Variants in DPY19L1 observed in about 807,000 individuals in gnomAD.
DPY19L1 encodes dpy-19 like C-mannosyltransferase 1, also known as protein C-mannosyl-transferase DPY19L1.
A neutral mutation model predicts 96.9 loss-of-function variants in DPY19L1; 35 were observed. The observed-to-expected ratio is 0.36, with a 90% CI of 0.28 to 0.48. The LOEUF (loss-of-function observed/expected upper bound fraction) is 0.48, where lower values mean the gene tolerates loss of function less well. Ranked by LOEUF, DPY19L1 falls within the 20% of genes least tolerant of loss-of-function variation. The pLI, the probability that DPY19L1 is intolerant of heterozygous loss-of-function variation, is 0.99. For synonymous variants in DPY19L1, 205 were observed against 252.6 expected, an observed-to-expected ratio of 0.81 and a Z score of 1.79; for missense variants, 521 against 777.9, an observed-to-expected ratio of 0.67 and a Z score of 3.93.
intron 1 of DPY19L1, among the ~76,000 whole-genome samples, chr7:35,023,943 C>T (rs1786060777): frequency 6.7e-6 from 1 of 148,430 alleles, no homozygotes. Flanking sequence ...TCATGCCATT[C>T]TCCTGCCTCA....
chr7:34,932,545 A>C (rs1783775830), intron 21 of DPY19L1, among the ~76,000 whole-genome samples: 1 of 152,238 alleles, frequency 6.6e-6, no homozygotes, highest in East Asian at 1.9e-4. Flanking sequence ...TAAAAAAATC[A>C]GTAGGTCAAA....
At chr7:34,935,193 G>A (rs1224764248) in intron 21 of DPY19L1, among the ~76,000 whole-genome samples, 1 of 152,192 alleles carries the variant, frequency 6.6e-6, no homozygotes, top group African/African-American at 2.4e-5. Context: ...ACAGAAAGTA[G>A]AGAACGACCC....
intron 7 of DPY19L1, among the ~76,000 whole-genome samples, chr7:34,982,904 A>C (rs914067567): frequency 4.6e-5 from 7 of 152,180 alleles, no homozygotes; most frequent in African/African-American, 1.7e-4. Context: ...GAATCTGGAG[A>C]TGGATTAAAA....
intron 9 of DPY19L1, among the ~76,000 whole-genome samples, chr7:34,967,181 T>C (rs1486438732): frequency 6.6e-6 from 1 of 152,186 alleles, no homozygotes; most frequent in Non-Finnish European, 1.5e-5. Flanking sequence ...CACAGCTTTC[T>C]CAATCATGTG....
intron 6 of DPY19L1, among the ~76,000 whole-genome samples, chr7:35,002,376 T>A (rs1370018147): frequency 6.6e-6 from 1 of 151,002 alleles, no homozygotes; most frequent in African/African-American, 2.4e-5. Context: ...TTGGAAAAAA[T>A]AAGGCTGATA....
Position 35,037,290 on chromosome 7 carries a change from G to C in DPY19L1, c.105C>G (p.Ala35=). Residue 35 remains alanine, a synonymous_variant, in exon 1 of 22, where the codon GCC becomes GCG. Coordinates refer to ENST00000638088, the MANE Select transcript of DPY19L1 (RefSeq NM_001366673.1). ...SPLRGASDVG[A]GEPGPERAPL... Reference sequence around the variant, plus strand: ...GCGCGCGCTCGGGCCCCGGCTCCCCGGCGCCGACGTCCGACGCCCCCCTCA... The same window carrying C: ...GCGCGCGCTCGGGCCCCGGCTCCCCCGCGCCGACGTCCGACGCCCCCCTCA... 1 of 339,006 alleles carries C rather than the reference G, an allele frequency of 2.9e-6. No individual in the cohort carries two copies. The highest frequency in any genetic ancestry group is 5.3e-6 in the Non-Finnish European group (1 of 188,136). 21.0% of individuals were successfully genotyped at this position (339,006 alleles called of 1,614,324 possible).
At chr7:34,990,103 GATC>G (rs138939284) in intron 6 of DPY19L1, among the ~76,000 whole-genome samples, 162 bp from the exon 7 acceptor site, 7,379 of 152,144 alleles carry the variant, frequency 0.049, 395 homozygotes, top group African/African-American at 0.13. Context: ...TCCTCCAAAA[GATC>G]ATTAGTCAAA....
Position 34,966,960 on chromosome 7 carries a change from T to C in DPY19L1, c.1026A>G (p.Leu342=), listed in dbSNP as rs1784624010. Residue 342 remains leucine, a synonymous_variant, in exon 10 of 22, where the codon TTA becomes TTG. Transcript: ENST00000638088. ...TGTACCCGACAACATATACTGCAAA[T>C]AATGATGCAATCTGAAATTTAAAAA... ...QFVLLTQIAS[L]FAVYVVGYID... The C allele has an allele frequency of 6.5e-7, 1 of 1,531,474 alleles. No homozygotes were observed. The highest frequency in any genetic ancestry group is 2.3e-5 in the Admixed American group (1 of 43,916). The allele number at this position is 1,531,474 out of a possible 1,614,324, so 94.9% of individuals were successfully genotyped here.
At chr7:35,019,443 A>G (rs1562829105) in intron 1 of DPY19L1, among the ~76,000 whole-genome samples, 1 of 151,970 alleles carries the variant, frequency 6.6e-6, no homozygotes. Context: ...ACATACTGAG[A>G]CTCTGTTTCT....
chr7:34,937,851 C>A lies in DPY19L1; in HGVS notation c.2090+143G>T, dbSNP rs559896880. ...TCCAGCCTGGGCAACAGAGTGAGAG[C>A]CTGTTTAAAAAAAAAAGAAGAAGTT... On this transcript the variant is annotated intron_variant, in intron 21 of 21. Transcript: ENST00000638088. 214 of 782,146 alleles carry A rather than the reference C, an allele frequency of 2.7e-4. No individual in the cohort carries two copies. In the African/African-American group the frequency reaches 3.2e-3, roughly 12 times the overall value. 48.5% of individuals were successfully genotyped at this position (782,146 alleles called of 1,614,324 possible).
chr7:34,970,201 A>T (rs1784695741), intron 8 of DPY19L1, among the ~76,000 whole-genome samples: 1 of 152,138 alleles, frequency 6.6e-6, no homozygotes, highest in African/African-American at 2.4e-5. Context: ...GTGCATGTTG[A>T]TATACTGAGG....
chr7:35,013,967 T>C (rs1785777428), intron 3 of DPY19L1, among the ~76,000 whole-genome samples: 1 of 152,220 alleles, frequency 6.6e-6, no homozygotes, highest in African/African-American at 2.4e-5. Flanking sequence ...CGACTCAGCA[T>C]ACTTCAACTT....
chr7:35,033,283 T>C lies in DPY19L1; in HGVS notation c.298+3814A>G, dbSNP rs1006176421. Among the ~76,000 whole-genome samples the C allele has an allele frequency of 1.2e-4, 19 of 152,178 alleles. 1 individual carries two copies. The highest frequency in any genetic ancestry group is 1.0e-3 in the Admixed American group (16 of 15,282). The stretch of plus-strand genomic sequence containing the variant: ...TTCCTGACCCTACTTAAAGAGGGTA[T>C]TTCCTTTTTTTTCTATCTCAGCTTG... On this transcript the variant is annotated intron_variant, in intron 1 of 21. Transcript: ENST00000638088.
chr7:34,972,378 G>A (rs1034752258), intron 8 of DPY19L1, among the ~76,000 whole-genome samples: 4 of 152,278 alleles, frequency 2.6e-5, no homozygotes, highest in East Asian at 1.9e-4. Flanking sequence ...CTCAGTCCCC[G>A]GAGCAGCATC....
chr7:35,008,602 A>G (rs1351252017), intron 6 of DPY19L1, among the ~76,000 whole-genome samples: 2 of 152,336 alleles, frequency 1.3e-5, no homozygotes, highest in East Asian at 3.9e-4. Flanking sequence ...CTGAGGCAGG[A>G]GGACTGCTTG....
At chr7:35,029,593 T>C (rs1316415439) in intron 1 of DPY19L1, among the ~76,000 whole-genome samples, 1 of 152,220 alleles carries the variant, frequency 6.6e-6, no homozygotes, top group Non-Finnish European at 1.5e-5. Context: ...AAGAAAACTG[T>C]GACAGTTTTT....
chr7:34,960,302 A>G (rs1784475792), intron 10 of DPY19L1, among the ~76,000 whole-genome samples: 1 of 152,058 alleles, frequency 6.6e-6, no homozygotes, highest in Non-Finnish European at 1.5e-5. Flanking sequence ...CCAAAGCAAT[A>G]CATGTTCCTT....
intron 15 of DPY19L1, among the ~76,000 whole-genome samples, chr7:34,947,213 CT>C (rs1198656332): frequency 6.6e-6 from 1 of 152,180 alleles, no homozygotes; most frequent in Non-Finnish European, 1.5e-5. Context: ...TGCAAATACT[CT>C]GTTTTTTCTT....
chr7:34,933,070 T>C lies in DPY19L1; in HGVS notation c.2091-1341A>G, dbSNP rs569951716. Among the ~76,000 whole-genome samples the C allele has an allele frequency of 2.1e-4, 32 of 152,258 alleles. No individual in the cohort carries two copies. The East Asian group carries it at 5.0e-3, about 24-fold the overall frequency. Reference sequence around the variant, plus strand: ...ACATTTTAAGAAATGAAAGTCACCATCATCTCCAATAGCATTTCTCAGAGG... The same window carrying C: ...ACATTTTAAGAAATGAAAGTCACCACCATCTCCAATAGCATTTCTCAGAGG... On this transcript the variant is annotated intron_variant, in intron 21 of 21. Coordinates refer to ENST00000638088, the MANE Select transcript of DPY19L1 (RefSeq NM_001366673.1).
Sources: gnomAD v4.1 joint callset for allele counts (sites outside exome capture counted in the v4.1 genomes callset) on GRCh38, gnomAD v4.1.1 for gene constraint, MANE v1.5 for transcripts, NCBI Gene and HGNC (gene_info 2026-07-23, HGNC 2026-07-21) for gene names.